The following TENM2 variants were observed in gnomAD, a reference collection of about 807,000 sequenced individuals.
TENM2 encodes teneurin transmembrane protein 2.
A neutral mutation model predicts 245.2 loss-of-function variants in TENM2; 52 were observed. That is an observed-to-expected ratio of 0.21 (90% CI 0.17 to 0.27). The LOEUF is 0.27. TENM2 is among the 10% of genes least tolerant of loss of function. The probability of loss-of-function intolerance (pLI) is 1.00; values close to 1 mark genes in which losing one functional copy is unlikely to be tolerated. For missense variants in TENM2, 3,046 were observed against 3,666.8 expected, an observed-to-expected ratio of 0.83 and a Z score of 4.37; for synonymous variants, 1,363 against 1,438.9, an observed-to-expected ratio of 0.95 and a Z score of 1.19.
intron 12 of TENM2, among the ~76,000 whole-genome samples, chr5:168,155,734 G>A (rs1040226794): frequency 1.3e-5 from 2 of 151,978 alleles, no homozygotes; most frequent in Non-Finnish European, 2.9e-5. Context: ...TTCAGCCTAT[G>A]TGCTAAAGGG....
At chr5:167,324,009 A>T (rs1271063547) in intron 1 of TENM2, among the ~76,000 whole-genome samples, 1 of 152,204 alleles carries the variant, frequency 6.6e-6, no homozygotes, top group East Asian at 1.9e-4. Flanking sequence ...AGTCTGAAAG[A>T]TCTGAGTTTG....
chr5:168,042,446 T>C (rs930877693), intron 5 of TENM2, among the ~76,000 whole-genome samples: 1 of 152,158 alleles, frequency 6.6e-6, no homozygotes, highest in East Asian at 1.9e-4. Context: ...TCTTGTCAGG[T>C]TGATCCTCTG....
At chr5:167,746,196 AC>A (rs1156459637) in intron 2 of TENM2, among the ~76,000 whole-genome samples, 1 of 152,120 alleles carries the variant, frequency 6.6e-6, no homozygotes, top group African/African-American at 2.4e-5. Flanking sequence ...TTACTCCCTA[AC>A]AAAAAAGCAG....
chr5:167,199,893 C>G, the TENM2 span, among the ~76,000 whole-genome samples: 1 of 152,080 alleles, frequency 6.6e-6, no homozygotes, highest in African/African-American at 2.4e-5. Context: ...CTCATCCCTA[C>G]TTTGTCTATG....
chr5:167,041,644 C>G, the TENM2 span, among the ~76,000 whole-genome samples: 1 of 152,140 alleles, frequency 6.6e-6, no homozygotes, highest in African/African-American at 2.4e-5. Flanking sequence ...ATTTTAATTT[C>G]AGCACATGCA....
intron 6 of TENM2, among the ~76,000 whole-genome samples, chr5:168,049,099 C>T: frequency 6.6e-6 from 1 of 152,130 alleles, no homozygotes; most frequent in East Asian, 1.9e-4. Context: ...TTTTTGCACC[C>T]CTAGAGGACA....
At chr5:167,280,514 G>A (rs56230944), upstream of TENM2, among the ~76,000 whole-genome samples, 1 of 152,134 alleles carries the variant, frequency 6.6e-6, no homozygotes, top group African/African-American at 2.4e-5. Context: ...TTTCATGGAA[G>A]GGCAAGCTTT....
chr5:168,082,628 T>C (rs1015305607), intron 7 of TENM2, among the ~76,000 whole-genome samples: 2 of 152,170 alleles, frequency 1.3e-5, no homozygotes, highest in African/African-American at 4.8e-5. Flanking sequence ...TCCTTTCTGT[T>C]TGTTAGTTTT....
the TENM2 span, among the ~76,000 whole-genome samples, chr5:167,209,699 A>G: frequency 3.3e-5 from 5 of 151,780 alleles, no homozygotes; most frequent in Non-Finnish European, 7.4e-5. Flanking sequence ...TTTCCCCCAC[A>G]TCATTCCCCC....
intron 2 of TENM2, among the ~76,000 whole-genome samples, chr5:167,566,563 A>G (rs1582405549): frequency 6.6e-6 from 1 of 152,354 alleles, no homozygotes; most frequent in South Asian, 2.1e-4. Context: ...CAAACAGTGC[A>G]GCACACTGGT....
chr5:167,931,837 C>G (rs1356155993), intron 3 of TENM2, among the ~76,000 whole-genome samples: 1 of 152,154 alleles, frequency 6.6e-6, no homozygotes, highest in Non-Finnish European at 1.5e-5. Flanking sequence ...AGATTAATAG[C>G]TGTTTTGAAG....
At chr5:168,017,397 T>A (rs1423613650) in intron 5 of TENM2, among the ~76,000 whole-genome samples, 1 of 152,188 alleles carries the variant, frequency 6.6e-6, no homozygotes, top group Non-Finnish European at 1.5e-5. Flanking sequence ...TGGCTATTAT[T>A]TTTAGATTGG....
chr5:167,918,981 T>C (rs1009430593), intron 3 of TENM2, among the ~76,000 whole-genome samples: 1 of 152,182 alleles, frequency 6.6e-6, no homozygotes, highest in Admixed American at 6.5e-5. Context: ...TGTATTTTCA[T>C]ATGCTGGGAG....
Position 167,526,360 on chromosome 5 carries a change from GCACA to G in TENM2, c.502+150918_502+150921del, listed in dbSNP as rs72349867. ...CCTATCATTATCTGTTTAAGAAATA[GCACA>G]CACACACACACACACACACACACAC... On this transcript the variant is annotated intron_variant, in intron 2 of 28. Transcript: ENST00000518659. Among the ~76,000 whole-genome samples the G allele has an allele frequency of 1.6e-3, 230 of 144,146 alleles. 5 individuals carry two copies. The highest frequency in any genetic ancestry group is 4.2e-3 in the African/African-American group (162 of 39,000). The allele number at this position is 144,146 out of a possible 152,430, so 94.6% of individuals were successfully genotyped here.
At chr5:167,935,894 T>C (rs566108912) in intron 3 of TENM2, among the ~76,000 whole-genome samples, 1 of 152,300 alleles carries the variant, frequency 6.6e-6, no homozygotes, top group Admixed American at 6.5e-5. Flanking sequence ...AGGTATGATT[T>C]TTTTTTTCGA....
intron 2 of TENM2, among the ~76,000 whole-genome samples, chr5:167,746,891 T>G (rs998491171): frequency 2.0e-5 from 3 of 152,178 alleles, no homozygotes; most frequent in African/African-American, 7.2e-5. Context: ...AGACATTTTG[T>G]TTCATTTATA....
intron 2 of TENM2, among the ~76,000 whole-genome samples, chr5:167,621,092 T>A (rs775880174): frequency 6.6e-6 from 1 of 152,148 alleles, no homozygotes; most frequent in Non-Finnish European, 1.5e-5. Context: ...ACTTATCCAT[T>A]CAGCAAGTAT....
At chr5:167,673,729 A>G (rs1391087809) in intron 2 of TENM2, among the ~76,000 whole-genome samples, 1 of 151,600 alleles carries the variant, frequency 6.6e-6, no homozygotes, top group East Asian at 1.9e-4. Context: ...TTAAATTTGA[A>G]CCCTAGGGAC....
intron 5 of TENM2, among the ~76,000 whole-genome samples, chr5:168,029,307 G>A (rs1312800862): frequency 6.6e-6 from 1 of 152,102 alleles, no homozygotes; most frequent in South Asian, 2.1e-4. Context: ...AAAACCATTG[G>A]TCAGCTACTC....
Sources: gnomAD v4.1 joint callset for allele counts (sites outside exome capture counted in the v4.1 genomes callset) on GRCh38, gnomAD v4.1.1 for gene constraint, MANE v1.5 for transcripts, NCBI Gene and HGNC (gene_info 2026-07-23, HGNC 2026-07-21) for gene names.